The following AGBL2 variants were observed in gnomAD, a reference collection of about 807,000 sequenced individuals.
The protein encoded by AGBL2 is AGBL carboxypeptidase 2, also known as cytosolic carboxypeptidase 2.
In AGBL2, 87 loss-of-function variants were observed where a neutral mutation model predicts 103.0. The observed-to-expected ratio is 0.84, with a 90% CI of 0.71 to 1.01. The LOEUF is 1.01. AGBL2 is among the 50% of genes least tolerant of loss of function. The pLI is 0.00. For synonymous variants in AGBL2, 335 were observed against 356.7 expected, an observed-to-expected ratio of 0.94 and a Z score of 0.69; for missense variants, 904 against 1,023.5, an observed-to-expected ratio of 0.88 and a Z score of 1.59.
intron 4 of AGBL2, among the ~76,000 whole-genome samples, chr11:47,709,713 C>T (rs1202123588): frequency 3.3e-5 from 5 of 151,192 alleles, no homozygotes; most frequent in Non-Finnish European, 7.4e-5. Flanking sequence ...TCAGCCTCCC[C>T]AGTAGCTGGG....
intron 13 of AGBL2, among the ~76,000 whole-genome samples, chr11:47,677,613 T>G (rs1408556859): frequency 6.6e-6 from 1 of 151,332 alleles, no homozygotes; most frequent in African/African-American, 2.4e-5. Flanking sequence ...CCCACCACAC[T>G]CAGCTAATTT....
intron 4 of AGBL2, among the ~76,000 whole-genome samples, chr11:47,709,930 C>G (rs1182618497): frequency 2.6e-5 from 4 of 151,768 alleles, no homozygotes; most frequent in Non-Finnish European, 4.4e-5. Flanking sequence ...CACTTTGTCA[C>G]CCAGGCTGGA....
chr11:47,682,834 A>C (rs1474114388), intron 11 of AGBL2, among the ~76,000 whole-genome samples: 3 of 152,136 alleles, frequency 2.0e-5, no homozygotes, highest in Non-Finnish European at 4.4e-5. Flanking sequence ...TGTGGAATCC[A>C]GGGGTTCTAT....
chr11:47,665,363 T>A (rs1000821888), intron 17 of AGBL2, among the ~76,000 whole-genome samples: 4 of 151,782 alleles, frequency 2.6e-5, no homozygotes, highest in African/African-American at 7.3e-5. Flanking sequence ...AGCTAATTTT[T>A]AAAAAAAATT....
intron 12 of AGBL2, among the ~76,000 whole-genome samples, chr11:47,681,499 GCT>G: frequency 6.6e-6 from 1 of 151,950 alleles, no homozygotes; most frequent in African/African-American, 2.4e-5. Context: ...ACAGAGTCTC[GCT>G]CTGTCACCCA....
chr11:47,685,541 C>A (rs2097420353), intron 11 of AGBL2, among the ~76,000 whole-genome samples: 1 of 152,142 alleles, frequency 6.6e-6, no homozygotes, highest in Admixed American at 6.6e-5. Flanking sequence ...CCTGCCTCAG[C>A]CTCCCAAGTA....
In AGBL2 at chr11:47,695,475, C is replaced by CAAAA. The variant is rs56047450; in HGVS notation, c.695-3223_695-3220dup. On this transcript the variant is annotated intron_variant, in intron 8 of 18. Transcript: ENST00000525123. ...GGGCGACGAAAGTGAAACTCTGTCT[C>CAAAA]AAAAAAAAAAAAAAAAAAAACAGTT... 4.7e-3 allele frequency among the ~76,000 whole-genome samples: 358 copies of CAAAA among 76,078 alleles called. 11 individuals carry two copies. Among genetic ancestry groups the CAAAA allele is most frequent in the African/African-American group, 0.017 (324 of 18,524 alleles). 49.9% of individuals were successfully genotyped at this position (76,078 alleles called of 152,430 possible). A position where few individuals can be genotyped will look rare whatever the true frequency, so the allele number is the denominator to read the frequency against.
At chr11:47,708,462 TTA>T (rs1014895157) in intron 4 of AGBL2, among the ~76,000 whole-genome samples, 18 of 152,120 alleles carry the variant, frequency 1.2e-4, no homozygotes, top group Non-Finnish European at 2.1e-4. Context: ...TTTTTTTTTT[TTA>T]GTTTGTCCTT....
intron 14 of AGBL2, among the ~76,000 whole-genome samples, chr11:47,671,895 A>G (rs1263500333): frequency 6.6e-6 from 1 of 152,196 alleles, no homozygotes; most frequent in Non-Finnish European, 1.5e-5. Flanking sequence ...AGCAAACTCA[A>G]ACTGGGCTTG....
chr11:47,674,746 A>AT (rs2097368904), intron 14 of AGBL2, among the ~76,000 whole-genome samples: 1 of 151,242 alleles, frequency 6.6e-6, no homozygotes. Context: ...TTATTCATTC[A>AT]TTTTTTGAGA....
intron 13 of AGBL2, among the ~76,000 whole-genome samples, chr11:47,678,343 A>ATTTTTTTTTT (rs1440515781): frequency 1.5e-4 from 18 of 116,840 alleles, no homozygotes; most frequent in South Asian, 1.1e-3. Context: ...TTATTATTTT[A>ATTTTTTTTTT]TTTTTTTTGA....
intron 14 of AGBL2, among the ~76,000 whole-genome samples, chr11:47,672,246 C>T (rs1195786116): frequency 6.6e-6 from 1 of 151,968 alleles, no homozygotes; most frequent in African/African-American, 2.4e-5. Context: ...CCATCATACC[C>T]GTTATTACAG....
intron 14 of AGBL2, among the ~76,000 whole-genome samples, chr11:47,671,177 A>G (rs1279208979): frequency 6.6e-6 from 1 of 152,088 alleles, no homozygotes; most frequent in Admixed American, 6.6e-5. Context: ...TTAGTTGGCT[A>G]GAACCAAGAG....
rs2097324198 is a variant in AGBL2 at position 47,660,088 on chromosome 11, C to T, written c.*85G>A. On this transcript the variant is annotated 3_prime_UTR_variant, in exon 19 of 19. Coordinates refer to ENST00000525123, the MANE Select transcript of AGBL2 (RefSeq NM_024783.4). ...CAGTATACCACAAGTAAATGCAGTT[C>T]CCAGTCATACATCTCCCCCATTATA... 1 of 1,427,162 alleles carries T rather than the reference C, an allele frequency of 7.0e-7. No homozygotes were observed. The highest frequency in any genetic ancestry group is 2.1e-5 in the Admixed American group (1 of 47,878). The allele number at this position is 1,427,162 out of a possible 1,614,324, so 88.4% of individuals were successfully genotyped here.
intron 12 of AGBL2, 49 bp from the exon 13 acceptor site, chr11:47,680,122 C>A (rs2153803581): frequency 1.7e-6 from 2 of 1,171,290 alleles, no homozygotes; most frequent in South Asian, 2.6e-5. Flanking sequence ...ATCTTAGTGA[C>A]TGAATGTAAA....
At chr11:47,708,902 A>C (rs2097529209) in intron 4 of AGBL2, among the ~76,000 whole-genome samples, 1 of 151,858 alleles carries the variant, frequency 6.6e-6, no homozygotes, top group Non-Finnish European at 1.5e-5. Flanking sequence ...TGGGCCGATC[A>C]CCTGAGGTTG....
intron 8 of AGBL2, among the ~76,000 whole-genome samples, chr11:47,693,814 C>A (rs898108142): frequency 6.6e-6 from 1 of 152,086 alleles, no homozygotes; most frequent in Non-Finnish European, 1.5e-5. Flanking sequence ...ATATGTTATT[C>A]TTGTCATGTG....
intron 17 of AGBL2, chr11:47,666,603 G>A (rs2097342008): frequency 2.0e-6 from 1 of 504,628 alleles, no homozygotes; most frequent in Non-Finnish European, 3.4e-6. Context: ...ATCCAGTAAA[G>A]GGACTGGCAT....
At chr11:47,675,199 CTTTTTTTT>C (rs34012734) in intron 14 of AGBL2, among the ~76,000 whole-genome samples, 4 of 58,206 alleles carry the variant, frequency 6.9e-5, no homozygotes, top group African/African-American at 1.6e-4. Flanking sequence ...TCCCACCAGT[CTTTTTTTT>C]TTTTTTTTTT....
Sources: allele counts gnomAD v4.1 joint callset (sites outside exome capture counted in the v4.1 genomes callset), GRCh38; gene constraint gnomAD v4.1.1; transcripts MANE v1.5; gene names NCBI Gene and HGNC (gene_info 2026-07-23, HGNC 2026-07-21).